GULP1: variants seen among roughly 807,000 people sequenced by gnomAD.
GULP1 encodes the protein PTB domain-containing engulfment adapter protein 1.
In GULP1, 19 loss-of-function variants were observed where a neutral mutation model predicts 40.9. The observed-to-expected ratio is 0.46, with a 90% confidence interval of 0.32 to 0.68. GULP1 has a LOEUF of 0.68. GULP1 is among the 30% of genes least tolerant of loss of function. GULP1 has a pLI of 0.03. For missense variants in GULP1, 312 were observed against 362.2 expected (o/e 0.86, Z 1.12); for synonymous variants, 119 against 117.6 (o/e 1.01, Z -0.08).
chr2:188,524,409 G>T (rs1685600977), intron 5 of GULP1, among the ~76,000 whole-genome samples: 1 of 151,968 alleles, frequency 6.6e-6, no homozygotes, highest in Admixed American at 6.6e-5. Flanking sequence ...AGGTAGTATA[G>T]TTTAAAAATG....
intron 6 of GULP1, among the ~76,000 whole-genome samples, chr2:188,535,669 G>T (rs1432659905): frequency 6.6e-6 from 1 of 151,932 alleles, no homozygotes; most frequent in East Asian, 1.9e-4. Context: ...TGTCTTTTTG[G>T]TAGAAAGATT....
chr2:188,330,200 A>T (rs1035729731), intron 1 of GULP1, among the ~76,000 whole-genome samples: 15 of 152,190 alleles, frequency 9.9e-5, no homozygotes, highest in African/African-American at 3.6e-4. Context: ...AGCATTTAAA[A>T]TAATTCTTAA....
At chr2:188,431,508 C>A (rs538200229) in intron 2 of GULP1, among the ~76,000 whole-genome samples, 4 of 152,232 alleles carry the variant, frequency 2.6e-5, no homozygotes, top group South Asian at 4.1e-4. Flanking sequence ...TTAAAACTTA[C>A]AATTTCACGA....
At chr2:188,427,598 G>T (rs2056370118) in intron 2 of GULP1, among the ~76,000 whole-genome samples, 1 of 152,218 alleles carries the variant, frequency 6.6e-6, no homozygotes, top group African/African-American at 2.4e-5. Context: ...CTGCTTCAGA[G>T]GGTGCAAGCC....
At chr2:188,510,280 T>C (rs970521259) in intron 4 of GULP1, among the ~76,000 whole-genome samples, 34 of 152,172 alleles carry the variant, frequency 2.2e-4, no homozygotes, top group African/African-American at 7.9e-4. Context: ...TTAAGTAAGT[T>C]CCATGAAAAT....
intron 2 of GULP1, among the ~76,000 whole-genome samples, chr2:188,384,831 A>G (rs1198190447): frequency 1.3e-5 from 2 of 152,160 alleles, no homozygotes; most frequent in African/African-American, 4.8e-5. Flanking sequence ...AAAGCTCCAA[A>G]ATGATCTCCT....
intron 4 of GULP1, among the ~76,000 whole-genome samples, chr2:188,484,449 G>A (rs180995384): frequency 5.3e-5 from 8 of 152,136 alleles, no homozygotes; most frequent in East Asian, 1.9e-4. Flanking sequence ...TCAAAATTTC[G>A]AAGAGTCAGA....
At chr2:188,521,749 A>G (rs1489647014) in intron 4 of GULP1, among the ~76,000 whole-genome samples, 2 of 152,202 alleles carry the variant, frequency 1.3e-5, no homozygotes, top group Non-Finnish European at 2.9e-5. Context: ...CAGTCAAACC[A>G]TATCACTTAC....
chr2:188,471,917 A>G (rs1257928527), intron 2 of GULP1, among the ~76,000 whole-genome samples: 1 of 152,138 alleles, frequency 6.6e-6, no homozygotes, highest in Non-Finnish European at 1.5e-5. Flanking sequence ...CTTTCTGACT[A>G]AAGTACTTGC....
At chr2:188,403,055 AG>A (rs1256517926) in intron 2 of GULP1, among the ~76,000 whole-genome samples, 1 of 152,154 alleles carries the variant, frequency 6.6e-6, no homozygotes, top group African/African-American at 2.4e-5. Flanking sequence ...CATGAGAGAA[AG>A]TATATCAATC....
chr2:188,494,376 C>T (rs370211882), intron 4 of GULP1, among the ~76,000 whole-genome samples: 47 of 152,030 alleles, frequency 3.1e-4, no homozygotes, highest in African/African-American at 1.1e-3. Flanking sequence ...TATGATGAAA[C>T]AGCGGATTTT....
At chr2:188,496,741 G>A (rs1281676119) in intron 4 of GULP1, among the ~76,000 whole-genome samples, 1 of 151,922 alleles carries the variant, frequency 6.6e-6, no homozygotes, top group Non-Finnish European at 1.5e-5. Flanking sequence ...ATGTCCAATT[G>A]TAATCCCCAG....
At chr2:188,364,258 A>G (rs1417097106) in intron 1 of GULP1, among the ~76,000 whole-genome samples, 3 of 152,154 alleles carry the variant, frequency 2.0e-5, no homozygotes, top group Non-Finnish European at 4.4e-5. Context: ...CATTTCTGTT[A>G]TGTGGAGGAT....
At chr2:188,425,865 A>G (rs969383539) in intron 2 of GULP1, among the ~76,000 whole-genome samples, 1 of 152,168 alleles carries the variant, frequency 6.6e-6, no homozygotes, top group African/African-American at 2.4e-5. Flanking sequence ...TATACTACCA[A>G]TTGGATATGT....
chr2:188,384,680 A>C (rs1427963081), intron 2 of GULP1, among the ~76,000 whole-genome samples: 1 of 152,200 alleles, frequency 6.6e-6, no homozygotes, highest in African/African-American at 2.4e-5. Flanking sequence ...TTGTAAAATC[A>C]AAAGCAAGTT....
At chr2:188,507,468 T>A (rs2064042592) in intron 4 of GULP1, among the ~76,000 whole-genome samples, 1 of 151,434 alleles carries the variant, frequency 6.6e-6, no homozygotes, top group African/African-American at 2.4e-5. Context: ...ATTTTGAAAT[T>A]TGTACTAGGT....
rs142748261 is a variant in GULP1 at position 188,566,581 on chromosome 2, T to C, written c.400-2658T>C. On this transcript the variant is annotated intron_variant, in intron 7 of 11. Transcript: ENST00000409830. ...GAGGCCAAGGCGGGTGGATCACCTG[T>C]GGTCAGGAGTTCAAGACCAGCCTGG... is the stretch of plus-strand genomic sequence containing the variant. Among the ~76,000 whole-genome samples, 641 of 151,494 alleles carry C rather than the reference T, an allele frequency of 4.2e-3. 6 individuals are homozygous for C. Among genetic ancestry groups the C allele is most frequent in the African/African-American group, 0.015 (606 of 41,318 alleles).
intron 2 of GULP1, among the ~76,000 whole-genome samples, chr2:188,465,790 C>T (rs2060060786): frequency 6.6e-6 from 1 of 152,090 alleles, no homozygotes; most frequent in Admixed American, 6.5e-5. Context: ...CACAGCAATG[C>T]TCTCAGAAAC....
chr2:188,326,433 A>G (rs1314066162), intron 1 of GULP1, among the ~76,000 whole-genome samples: 1 of 152,090 alleles, frequency 6.6e-6, no homozygotes, highest in Non-Finnish European at 1.5e-5. Flanking sequence ...AGATAGTAAT[A>G]CCTTCCTTAT....
Sources: gnomAD v4.1 joint callset for allele counts (sites outside exome capture counted in the v4.1 genomes callset) on GRCh38, gnomAD v4.1.1 for gene constraint, MANE v1.5 for transcripts, NCBI Gene and HGNC (gene_info 2026-07-23, HGNC 2026-07-21) for gene names.